KIN: variants seen among roughly 807,000 people sequenced by gnomAD.
KIN encodes the protein Kin17 DNA and RNA binding protein, also known as DNA/RNA-binding protein KIN17.
Under a neutral mutation model 63.0 loss-of-function variants are expected in KIN, and 47 were observed. The ratio of observed to expected loss-of-function variants is 0.75; its 90% confidence interval spans 0.59 to 0.95. The LOEUF is 0.95. Among genes scored for constraint, KIN ranks in the 40% least tolerant of loss-of-function variants. The pLI is 0.00. For synonymous variants in KIN, 160 were observed against 157.7 expected, an observed-to-expected ratio of 1.01 and a Z score of -0.11; for missense variants, 408 against 460.9, an observed-to-expected ratio of 0.89 and a Z score of 1.05.
In KIN at chr10:7,762,730, T is replaced by C. The variant is rs1835461315; in HGVS notation, c.919-174A>G. Among the ~76,000 whole-genome samples the C allele has an allele frequency of 3.3e-5, 5 of 152,184 alleles. No individual in the cohort carries two copies. The South Asian group carries it at 8.3e-4, about 25-fold the overall frequency. On this transcript the variant is annotated intron_variant, in intron 10 of 12. Transcript: ENST00000379562. ...TACATGATTTCCCAGTCTATGGTTC[T>C]CAATAAAGAACTCAATTCAAAGCTT...
rs1836055594 is a variant in KIN, at chr10:7,787,722, G to A, written c.114+98C>T. The A allele has an allele frequency of 6.6e-6, 6 of 907,384 alleles. No individual in the cohort carries two copies. The Admixed American group carries it at 8.7e-5, about 13-fold the overall frequency. 56.2% of individuals were successfully genotyped at this position (907,384 alleles called of 1,614,324 possible). On this transcript the variant is annotated intron_variant, in intron 1 of 12. Coordinates refer to ENST00000379562, the MANE Select transcript of KIN (RefSeq NM_012311.4). ...CAGAAGCCTCACGACCCGGACCCCGGGAGCCCCAGCCCCGCGCCCTCAGCC... is the reference window on the plus strand; with the variant it reads ...CAGAAGCCTCACGACCCGGACCCCGAGAGCCCCAGCCCCGCGCCCTCAGCC...
At chr10:7,756,748 G>A (rs1210577643) in intron 12 of KIN, among the ~76,000 whole-genome samples, 2 of 121,074 alleles carry the variant, frequency 1.7e-5, no homozygotes, top group African/African-American at 6.3e-5. Flanking sequence ...TTTTTTTATA[G>A]GAAATATCAT....
chr10:7,779,398 T>A (rs1835851706), intron 4 of KIN, among the ~76,000 whole-genome samples: 1 of 152,148 alleles, frequency 6.6e-6, no homozygotes, highest in Admixed American at 6.5e-5. Context: ...AGAGCGAGAC[T>A]CAGTCTCAAA....
At chr10:7,774,338 G>T (rs927912) in intron 7 of KIN, among the ~76,000 whole-genome samples, 147,080 of 152,254 alleles carry the variant, frequency 0.97, 71,180 homozygotes, top group East Asian at 1. Context: ...GAAAAATGCA[G>T]ATCCAGCTAA....
intron 8 of KIN, among the ~76,000 whole-genome samples, chr10:7,767,874 A>C (rs997161712): frequency 1.3e-5 from 2 of 151,854 alleles, no homozygotes; most frequent in African/African-American, 2.4e-5. Context: ...TCAAAAAAAA[A>C]AAAAAAAAAA....
intron 8 of KIN, 140 bp downstream of exon 8, chr10:7,769,076 G>A (rs923656216): frequency 1.8e-5 from 12 of 650,016 alleles, no homozygotes; most frequent in East Asian, 3.0e-5. Flanking sequence ...ACTCCAGTTC[G>A]GGGAACTGTA....
Position 7,778,839 on chromosome 10 carries a change from T to C in KIN, c.557A>G (p.Gln186Arg). The C allele has an allele frequency of 6.2e-7, 1 of 1,613,626 alleles. No individual in the cohort carries two copies. Among genetic ancestry groups the C allele is most frequent in the Non-Finnish European group, 8.5e-7 (1 of 1,179,936 alleles). The change falls in exon 5 of 13, where the codon CAG (glutamine) becomes CGG (arginine). Residue 186 changes from glutamine to arginine, a missense_variant and splice_region_variant. By Grantham distance (43) the Gln-to-Arg change is conservative. This residue lies in a region of KIN where 298 missense variants were observed against 296.0 expected (regional missense o/e 1.01). Transcript: ENST00000379562. ...CTCAGGATGATGTTGCTTACCCACC[T>C]GTTCCTTCCCTTCCAGGCCTCTTCT... is the stretch of plus-strand genomic sequence containing the variant. The part of the protein sequence containing the change: ...QVRRGLEGKE[Q>R]EVPTFTELSR...
chr10:7,758,283 T>C (rs1403442671), intron 12 of KIN, among the ~76,000 whole-genome samples: 5 of 152,186 alleles, frequency 3.3e-5, no homozygotes, highest in Non-Finnish European at 5.9e-5. Context: ...TTGGCCGGGC[T>C]GGTCTCGAAC....
At chr10:7,779,718 C>T (rs1211845839) in intron 4 of KIN, among the ~76,000 whole-genome samples, 1 of 152,124 alleles carries the variant, frequency 6.6e-6, no homozygotes, top group Non-Finnish European at 1.5e-5. Context: ...AGGTTACATG[C>T]AAGTGCTACA....
chr10:7,766,207 T>C, intron 8 of KIN, 104 bp from the exon 9 acceptor site: 1 of 662,062 alleles, frequency 1.5e-6, no homozygotes, highest in South Asian at 2.0e-5. Context: ...TGAAGTCCTC[T>C]ACTTCACAGA....
Position 7,751,412 on chromosome 10 carries a change from C to A in KIN, c.*4668G>T. ...AAATCTTAAGGAAATCTGATTGTTT[C>A]TAGAAGCTAAAGATTACTGGCTGGG... is the stretch of plus-strand genomic sequence containing the variant. On this transcript the variant is annotated 3_prime_UTR_variant, in exon 13 of 13. Coordinates refer to ENST00000379562, the MANE Select transcript of KIN (RefSeq NM_012311.4). 1 of 152,096 alleles carries A rather than the reference C, an allele frequency of 6.6e-6. No homozygotes were observed. The highest frequency in any genetic ancestry group is 1.9e-4 in the East Asian group (1 of 5,196). The allele number at this position is 152,096 out of a possible 1,614,324, so 9.4% of individuals were successfully genotyped here. A position where few individuals can be genotyped will look rare whatever the true frequency, so the allele number is the denominator to read the frequency against.
chr10:7,787,723 G>T (rs558152756), intron 1 of KIN, 97 bp downstream of exon 1: 149 of 909,692 alleles, frequency 1.6e-4, no homozygotes, highest in Non-Finnish European at 2.4e-4. Flanking sequence ...CGGACCCCGG[G>T]AGCCCCAGCC....
intron 6 of KIN, 61 bp downstream of exon 6, chr10:7,775,690 T>A: frequency 4.5e-6 from 4 of 884,488 alleles, no homozygotes; most frequent in Non-Finnish European, 6.9e-6. Flanking sequence ...GTTGCATTTT[T>A]AACAAAGCCA....
chr10:7,756,194 A>T, intron 12 of KIN, 52 bp from the exon 13 acceptor site: 1 of 1,123,214 alleles, frequency 8.9e-7, no homozygotes, highest in Non-Finnish European at 1.3e-6. Context: ...TTCCTAAAAG[A>T]CAAAAAAATG....
chr10:7,778,507 G>A (rs1242954987), intron 5 of KIN, among the ~76,000 whole-genome samples: 6 of 152,166 alleles, frequency 3.9e-5, no homozygotes, highest in East Asian at 1.9e-4. Flanking sequence ...TTGGGAGGCC[G>A]AGGCGGCCGG....
At chr10:7,759,035 T>C (rs1835388320) in intron 12 of KIN, among the ~76,000 whole-genome samples, 1 of 152,102 alleles carries the variant, frequency 6.6e-6, no homozygotes, top group Non-Finnish European at 1.5e-5. Flanking sequence ...ACATATTCTC[T>C]AACAGGTCCA....
chr10:7,780,842 T>C (rs1323382064), intron 2 of KIN, among the ~76,000 whole-genome samples: 1 of 152,222 alleles, frequency 6.6e-6, no homozygotes, highest in Non-Finnish European at 1.5e-5. Context: ...GGAGTTGAAA[T>C]TTTTTGTCTT....
At chr10:7,782,346 T>C (rs904718309) in intron 2 of KIN, among the ~76,000 whole-genome samples, 2 of 151,956 alleles carry the variant, frequency 1.3e-5, no homozygotes, top group African/African-American at 4.8e-5. Context: ...TTGACCTTCA[T>C]ATAAACTCTA....
At position 7,762,011 on chromosome 10, in the gene KIN, A is replaced by G. The variant is rs541033300; in HGVS notation, c.1018+446T>C. 2.0e-5 allele frequency among the ~76,000 whole-genome samples: 3 copies of G among 152,258 alleles called. No homozygotes were observed. The East Asian group carries it at 5.8e-4, about 29-fold the overall frequency. ...GTGAAACTGTGTCTCAAAAATAAAT[A>G]AATAAATAAAAATAAAATAAAACAT... On this transcript the variant is annotated intron_variant, in intron 11 of 12. Coordinates refer to ENST00000379562, the MANE Select transcript of KIN (RefSeq NM_012311.4).
Sources: allele counts gnomAD v4.1 joint callset (sites outside exome capture counted in the v4.1 genomes callset), GRCh38; gene constraint gnomAD v4.1.1; regional missense constraint gnomAD v4.1.1; transcripts MANE v1.5; gene names NCBI Gene and HGNC (gene_info 2026-07-23, HGNC 2026-07-21).